The following KLHL6 variants were observed in gnomAD, a reference collection of about 807,000 sequenced individuals.
The protein encoded by KLHL6 is kelch-like protein 6.
In KLHL6, 41 loss-of-function variants were observed where a neutral mutation model predicts 58.6. The ratio of observed to expected loss-of-function variants is 0.70; its 90% CI spans 0.55 to 0.91. The LOEUF (loss-of-function observed/expected upper bound fraction) is 0.91. Among genes scored for constraint, KLHL6 ranks in the 40% least tolerant of loss-of-function variants. The pLI is 0.00. For synonymous variants in KLHL6, 338 were observed against 322.7 expected (o/e 1.05, Z -0.51); for missense variants, 714 against 805.6 (o/e 0.89, Z 1.38).
At chr3:183,496,935 C>T (rs1717727480) in intron 4 of KLHL6, among the ~76,000 whole-genome samples, 1 of 151,910 alleles carries the variant, frequency 6.6e-6, no homozygotes, top group Non-Finnish European at 1.5e-5. Context: ...ATCAGGAGTT[C>T]AAGACTAGCC....
chr3:183,527,858 G>C lies in KLHL6; in HGVS notation c.446C>G (p.Ala149Gly), dbSNP rs1402699328. The change falls in exon 2 of 7, where the codon GCT (alanine) becomes GGT (glycine). Residue 149 changes from alanine (A) to glycine (G), a missense_variant. By Grantham distance (60) the Ala-to-Gly change is moderately conservative (BLOSUM62 0). Coordinates refer to ENST00000341319, the MANE Select transcript of KLHL6 (RefSeq NM_130446.4). ...KQNVQRVLEA[A>G]NLFQFLRMVD... ...TTGTTCACACACCTGGAAGAGGTTA[G>C]CAGCCTCCAGGACCCGCTGGACATT... 6.2e-7 allele frequency: 1 copy of C among 1,613,872 alleles called. No individual in the cohort carries two copies.
intron 1 of KLHL6, among the ~76,000 whole-genome samples, chr3:183,536,567 C>A (rs556584615): frequency 3.3e-5 from 5 of 152,214 alleles, no homozygotes; most frequent in African/African-American, 4.8e-5. Flanking sequence ...GTGAGTGAAC[C>A]TCAGCTTCCT....
chr3:183,520,496 C>T (rs1711720735), intron 2 of KLHL6: 1 of 151,532 alleles, frequency 6.6e-6, no homozygotes, highest in Non-Finnish European at 1.5e-5. Context: ...GGAGGACCCA[C>T]GCCGACACTG....
chr3:183,537,562 C>T (rs532693135), intron 1 of KLHL6, among the ~76,000 whole-genome samples: 47 of 152,298 alleles, frequency 3.1e-4, no homozygotes, highest in Admixed American at 1.2e-3. Context: ...AACACTTGGG[C>T]GGTGAGTCAG....
chr3:183,505,121 G>T (rs1361941816), intron 3 of KLHL6, among the ~76,000 whole-genome samples: 1 of 152,214 alleles, frequency 6.6e-6, no homozygotes, highest in East Asian at 1.9e-4. Context: ...ACTGAAACCT[G>T]TCTGCAATTA....
At chr3:183,507,873 C>T (rs952863434) in intron 3 of KLHL6, among the ~76,000 whole-genome samples, 186 bp downstream of exon 3, 2 of 152,116 alleles carry the variant, frequency 1.3e-5, no homozygotes, top group Non-Finnish European at 2.9e-5. Context: ...TGTCTGAACA[C>T]GTGGGATCGG....
chr3:183,514,363 G>A (rs188202049), intron 2 of KLHL6, among the ~76,000 whole-genome samples: 49 of 151,946 alleles, frequency 3.2e-4, no homozygotes, highest in Middle Eastern at 3.4e-3. Context: ...AGCCACAATT[G>A]CACCCATCTC....
At chr3:183,512,727 G>T (rs1718222986) in intron 2 of KLHL6, among the ~76,000 whole-genome samples, 1 of 152,074 alleles carries the variant, frequency 6.6e-6, no homozygotes, top group Non-Finnish European at 1.5e-5. Flanking sequence ...CTGACCTCAG[G>T]TGATCCACCC....
intron 2 of KLHL6, among the ~76,000 whole-genome samples, chr3:183,518,552 C>A (rs1577188846): frequency 6.6e-6 from 1 of 152,148 alleles, no homozygotes; most frequent in South Asian, 2.1e-4. Flanking sequence ...CAATTAAAAA[C>A]CCCACACCCC....
In KLHL6 at chr3:183,555,676, T is replaced by C. The variant is rs1367529882; in HGVS notation, c.-23A>G. The C allele has an allele frequency of 7.7e-6, 12 of 1,554,828 alleles. No individual in the cohort carries two copies. The highest frequency in any genetic ancestry group is 1.0e-5 in the Non-Finnish European group (12 of 1,153,954). ...CATCGAGACTGAAGGAGCGCCCAAG[T>C]GTCAGGCAGGCCCCATTGCAGGAGC... On this transcript the variant is annotated 5_prime_UTR_variant, in exon 1 of 7. Transcript: ENST00000341319.
At chr3:183,502,277 G>A (rs1015418332) in intron 3 of KLHL6, among the ~76,000 whole-genome samples, 1 of 150,628 alleles carries the variant, frequency 6.6e-6, no homozygotes, top group Admixed American at 6.7e-5. Context: ...ACTCCAGCCT[G>A]GGCAACAAGA....
At chr3:183,544,841 G>A (rs942695965) in intron 1 of KLHL6, 20 of 152,324 alleles carry the variant, frequency 1.3e-4, no homozygotes, top group African/African-American at 4.6e-4. Context: ...ACCTAGGCTG[G>A]GCTGATCATT....
intron 1 of KLHL6, among the ~76,000 whole-genome samples, chr3:183,553,528 C>T (rs1454389706): frequency 2.0e-5 from 3 of 152,234 alleles, no homozygotes; most frequent in African/African-American, 7.2e-5. Flanking sequence ...GCTAACTTGA[C>T]TTCACTCACT....
At chr3:183,534,103 T>TTG (rs1560106949) in intron 1 of KLHL6, among the ~76,000 whole-genome samples, 2 of 139,630 alleles carry the variant, frequency 1.4e-5, no homozygotes, top group Non-Finnish European at 3.1e-5. Flanking sequence ...TTAAAGTACT[T>TTG]TAAAAGTACT....
chr3:183,490,999 A>T lies in KLHL6; in HGVS notation c.*928T>A, dbSNP rs1717534676. 1.3e-5 allele frequency: 2 copies of T among 152,220 alleles called. No homozygotes were observed. The highest frequency in any genetic ancestry group is 4.8e-5 in the African/African-American group (2 of 41,440). 9.4% of individuals were successfully genotyped at this position (152,220 alleles called of 1,614,324 possible). ...GACGAGGGAGGATGCAGAATAAGAA[A>T]GAAAAGGAAAGAAAGCAGGAAACAC... is the stretch of plus-strand genomic sequence containing the variant. On this transcript the variant is annotated 3_prime_UTR_variant, in exon 7 of 7. Coordinates refer to ENST00000341319, the MANE Select transcript of KLHL6 (RefSeq NM_130446.4).
chr3:183,523,036 C>G (rs1359688852), intron 2 of KLHL6: 2 of 152,200 alleles, frequency 1.3e-5, no homozygotes, highest in African/African-American at 2.4e-5. Flanking sequence ...ATCTCCTGAC[C>G]CCGTGATCCG....
At chr3:183,527,097 TAA>T (rs572178014) in intron 2 of KLHL6, among the ~76,000 whole-genome samples, 1 of 135,544 alleles carries the variant, frequency 7.4e-6, no homozygotes. Context: ...AGACTCTCTC[TAA>T]AAAAAAAAAC....
intron 3 of KLHL6, among the ~76,000 whole-genome samples, chr3:183,502,621 G>A (rs1717898421): frequency 2.0e-5 from 3 of 152,212 alleles, no homozygotes; most frequent in Admixed American, 2.0e-4. Flanking sequence ...CATATGGCAA[G>A]AAACTGAGGC....
intron 1 of KLHL6, among the ~76,000 whole-genome samples, chr3:183,536,615 GCT>G (rs1448820220): frequency 4.5e-4 from 69 of 152,342 alleles, no homozygotes; most frequent in African/African-American, 1.6e-3. Flanking sequence ...ACCTCAGTGA[GCT>G]GCACAGAAGA....
Sources: gnomAD v4.1 joint callset for allele counts (sites outside exome capture counted in the v4.1 genomes callset) on GRCh38, gnomAD v4.1.1 for gene constraint, MANE v1.5 for transcripts, NCBI Gene and HGNC (gene_info 2026-07-23, HGNC 2026-07-21) for gene names.